The following VOPP1 variants were observed in gnomAD, a reference collection of about 807,000 sequenced individuals.
The protein encoded by VOPP1 is VOPP1 WW domain binding protein.
Under a neutral mutation model 23.5 loss-of-function variants are expected in VOPP1, and 8 were observed. The ratio of observed to expected loss-of-function variants is 0.34; its 90% CI spans 0.20 to 0.61. The LOEUF (loss-of-function observed/expected upper bound fraction) is 0.61. Ranked by LOEUF, VOPP1 falls within the 20% of genes least tolerant of loss-of-function variation. VOPP1 has a pLI of 0.78. For missense variants in VOPP1, 174 were observed against 238.1 expected, an observed-to-expected ratio of 0.73 and a Z score of 1.77; for synonymous variants, 83 against 97.3, an observed-to-expected ratio of 0.85 and a Z score of 0.86.
intron 4 of VOPP1, among the ~76,000 whole-genome samples, chr7:55,442,630 A>G (rs1790993683): frequency 6.7e-6 from 1 of 148,522 alleles, no homozygotes; most frequent in East Asian, 2.0e-4. Flanking sequence ...TAATGGAAAT[A>G]CACACCACTT....
intron 2 of VOPP1, among the ~76,000 whole-genome samples, chr7:55,506,431 G>A (rs564016678): frequency 2.6e-5 from 4 of 152,350 alleles, no homozygotes; most frequent in Admixed American, 6.5e-5. Context: ...CACCTCTTGG[G>A]TTCAAGTGAT....
intron 4 of VOPP1, among the ~76,000 whole-genome samples, chr7:55,456,768 G>T (rs1791377414): frequency 6.6e-6 from 1 of 152,108 alleles, no homozygotes; most frequent in South Asian, 2.1e-4. Flanking sequence ...ATGGACACAG[G>T]GAGGGGAACA....
At chr7:55,481,294 A>G (rs1284720530) in intron 4 of VOPP1, among the ~76,000 whole-genome samples, 5 of 152,218 alleles carry the variant, frequency 3.3e-5, no homozygotes, top group African/African-American at 1.2e-4. Context: ...CTGAGAGAAG[A>G]GAGGGCCTCC....
intron 1 of VOPP1, among the ~76,000 whole-genome samples, chr7:55,545,403 A>T (rs2129052126): frequency 6.6e-6 from 1 of 152,210 alleles, no homozygotes; most frequent in African/African-American, 2.4e-5. Flanking sequence ...GCCTGTCTTG[A>T]TGTCAAGATC....
intron 2 of VOPP1, among the ~76,000 whole-genome samples, chr7:55,516,917 TA>T (rs1795453241): frequency 8.8e-5 from 3 of 33,908 alleles, no homozygotes; most frequent in African/African-American, 2.8e-4. Context: ...TATATATATA[TA>T]TATATATATA....
chr7:55,551,918 TAGTTGC>T (rs1443738145), intron 1 of VOPP1, among the ~76,000 whole-genome samples: 1 of 149,098 alleles, frequency 6.7e-6, no homozygotes, highest in African/African-American at 2.5e-5. Context: ...CGCATGCCTA[TAGTTGC>T]AGCTACTTGG....
chr7:55,533,181 CAT>C (rs1272576453), intron 1 of VOPP1, among the ~76,000 whole-genome samples: 3 of 152,348 alleles, frequency 2.0e-5, no homozygotes, highest in African/African-American at 7.2e-5. Context: ...CACAAACTCA[CAT>C]GAGTGCCTCC....
intron 2 of VOPP1, among the ~76,000 whole-genome samples, chr7:55,511,093 C>A (rs575082576): frequency 6.6e-6 from 1 of 152,156 alleles, no homozygotes; most frequent in African/African-American, 2.4e-5. Flanking sequence ...GGTTTCAGAA[C>A]CTTGTAAAGG....
downstream of VOPP1, among the ~76,000 whole-genome samples, chr7:55,465,870 T>C (rs1791618813): frequency 6.6e-6 from 1 of 152,200 alleles, no homozygotes; most frequent in African/African-American, 2.4e-5. Flanking sequence ...TACTCTGTGC[T>C]CTCATTCTTG....
chr7:55,539,665 A>C (rs1379387040), intron 1 of VOPP1: 1 of 152,158 alleles, frequency 6.6e-6, no homozygotes, highest in Non-Finnish European at 1.5e-5. Context: ...TGTGAGCTCA[A>C]CAGCCCCTGA....
chr7:55,559,259 T>C (rs1007588355), intron 1 of VOPP1, among the ~76,000 whole-genome samples: 2 of 152,198 alleles, frequency 1.3e-5, no homozygotes, highest in African/African-American at 4.8e-5. Context: ...CTTCCACTCT[T>C]GGCAGCTTCT....
At chr7:55,444,765 T>C in intron 4 of VOPP1, among the ~76,000 whole-genome samples, 1 of 152,110 alleles carries the variant, frequency 6.6e-6, no homozygotes, top group Non-Finnish European at 1.5e-5. Flanking sequence ...ACCCCAGAAT[T>C]TTCTCTTAAC....
Position 55,510,534 on chromosome 7 carries a change from T to C in VOPP1, c.113+10538A>G, listed in dbSNP as rs572513906. Among the ~76,000 whole-genome samples the C allele has an allele frequency of 3.9e-5, 6 of 152,182 alleles. No individual in the cohort carries two copies. The South Asian group carries it at 1.0e-3, about 26-fold the overall frequency. On this transcript the variant is annotated intron_variant, in intron 2 of 4. Coordinates refer to ENST00000285279, the MANE Select transcript of VOPP1 (RefSeq NM_030796.5). ...GGCCTAGGCAAAACTCCTGGTGGGC[T>C]TTTGTTACATCCCAGACTTTATATA...
intron 4 of VOPP1, among the ~76,000 whole-genome samples, chr7:55,455,714 A>G (rs1326929079): frequency 2.0e-5 from 3 of 152,232 alleles, no homozygotes; most frequent in Non-Finnish European, 4.4e-5. Context: ...AGGATTCCCT[A>G]TTTAATAAAT....
intron 3 of VOPP1, among the ~76,000 whole-genome samples, chr7:55,493,779 T>C (rs2129020692): frequency 6.6e-6 from 1 of 152,278 alleles, no homozygotes; most frequent in Non-Finnish European, 1.5e-5. Flanking sequence ...ACCTGGTAAG[T>C]GCTAAAAAAG....
At chr7:55,506,028 C>T (rs977606942) in intron 2 of VOPP1, among the ~76,000 whole-genome samples, 2 of 152,182 alleles carry the variant, frequency 1.3e-5, no homozygotes, top group African/African-American at 2.4e-5. Flanking sequence ...TAATTTCAAT[C>T]GAGCACAAAA....
intron 4 of VOPP1, among the ~76,000 whole-genome samples, chr7:55,462,096 A>G (rs1228688930): frequency 6.6e-6 from 1 of 152,120 alleles, no homozygotes; most frequent in African/African-American, 2.4e-5. Flanking sequence ...TTGAAGGACA[A>G]CTTTGCCGAG....
rs771016150 is a variant in VOPP1 at position 55,472,985 on chromosome 7, A to G, written c.389T>C (p.Val130Ala). 8 of 1,593,752 alleles carry G rather than the reference A, an allele frequency of 5.0e-6. No individual in the cohort carries two copies. The African/African-American group carries it at 1.1e-4, about 22-fold the overall frequency. Residue 130 changes from valine (V) to alanine (A), a missense_variant, in exon 5 of 5, where the codon GTC becomes GCC. By Grantham distance (64) the Val-to-Ala change is moderately conservative. Coordinates refer to ENST00000285279, the MANE Select transcript of VOPP1 (RefSeq NM_030796.5). ...GAAAGCCATTGCCATGGAATTCCCG[A>G]CAGGGTTCATCCCCGGTCCTCCTGG... ...TDPGGPGMNP[V>A]GNSMAMAFQV...
rs60831624 is a variant in VOPP1, at chr7:55,539,899, GCACACACACACA to G, written c.55-18781_55-18770del. 2.8e-4 allele frequency among the ~76,000 whole-genome samples: 39 copies of G among 139,326 alleles called. 1 individual carries two copies. The Middle Eastern group carries it at 0.011, about 38-fold the overall frequency. The allele number at this position is 139,326 out of a possible 152,430, so 91.4% of individuals were successfully genotyped here. A position where few individuals can be genotyped will look rare whatever the true frequency, so the allele number is the denominator to read the frequency against. On this transcript the variant is annotated intron_variant, in intron 1 of 4. Coordinates refer to ENST00000285279, the MANE Select transcript of VOPP1 (RefSeq NM_030796.5). The stretch of plus-strand genomic sequence containing the variant: ...CAAACGGGCGCATAACATAAGCGCT[GCACACACACACA>G]CACACACACACACACACACACACAC...
Sources: allele counts gnomAD v4.1 joint callset (sites outside exome capture counted in the v4.1 genomes callset), GRCh38; gene constraint gnomAD v4.1.1; transcripts MANE v1.5; gene names NCBI Gene and HGNC (gene_info 2026-07-23, HGNC 2026-07-21).